The following HERC6 variants were observed in gnomAD, a reference collection of about 807,000 sequenced individuals.
HERC6 encodes probable E3 ubiquitin-protein ligase HERC6.
HERC6 carries 101 observed loss-of-function variants against 114.5 expected under a neutral mutation model. The ratio of observed to expected loss-of-function variants is 0.88; its 90% CI spans 0.75 to 1.04. The LOEUF is 1.04. Among genes scored for constraint, HERC6 ranks in the 50% least tolerant of loss-of-function variants. The probability of loss-of-function intolerance (pLI) is 0.00; values close to 1 mark genes in which losing one functional copy is unlikely to be tolerated. For missense variants in HERC6, 1,133 were observed against 1,230.9 expected (o/e 0.92, Z 1.19); for synonymous variants, 408 against 436.2 (o/e 0.94, Z 0.81).
intron 11 of HERC6, among the ~76,000 whole-genome samples, chr4:88,411,938 C>T (rs575705541): frequency 1.3e-5 from 2 of 152,282 alleles, no homozygotes; most frequent in East Asian, 3.9e-4. Context: ...GTCACATGGC[C>T]CTGCCTGATT....
intron 11 of HERC6, among the ~76,000 whole-genome samples, chr4:88,412,588 G>A (rs190288291): frequency 2.4e-3 from 361 of 152,208 alleles, no homozygotes; most frequent in African/African-American, 8.2e-3. Flanking sequence ...GCCACTACAC[G>A]CTGAAGTAAA....
chr4:88,405,415 T>G, intron 9 of HERC6, 139 bp from the exon 10 acceptor site: 1 of 466,710 alleles, frequency 2.1e-6, no homozygotes, highest in East Asian at 3.4e-5. Flanking sequence ...ATACCCAGGA[T>G]TTGGGAGACT....
At chr4:88,379,857 AG>A (rs1194593497) in intron 1 of HERC6, among the ~76,000 whole-genome samples, 238 of 50,268 alleles carry the variant, frequency 4.7e-3, no homozygotes, top group Non-Finnish European at 5.9e-3. Flanking sequence ...ATATATATAT[AG>A]CATATAAATA....
At chr4:88,441,401 CATG>C (rs1271843979) in intron 22 of HERC6, among the ~76,000 whole-genome samples, 5 of 152,128 alleles carry the variant, frequency 3.3e-5, no homozygotes, top group Admixed American at 6.5e-5. Flanking sequence ...CCGTTTCAGA[CATG>C]AGGAAAAAGA....
At chr4:88,416,209 G>C (rs1278073887) in intron 12 of HERC6, among the ~76,000 whole-genome samples, 2 of 152,164 alleles carry the variant, frequency 1.3e-5, no homozygotes, top group Admixed American at 6.5e-5. Flanking sequence ...CAGGGAAGTG[G>C]GTTGAAGTGC....
At chr4:88,435,494 G>A (rs974129418) in intron 17 of HERC6, among the ~76,000 whole-genome samples, 47 of 151,996 alleles carry the variant, frequency 3.1e-4, no homozygotes, top group Admixed American at 4.6e-4. Context: ...CAGATAAAAT[G>A]AATTCATTTA....
chr4:88,383,440 C>G lies in HERC6; in HGVS notation c.359+60C>G. 3 of 1,320,598 alleles carry G rather than the reference C, an allele frequency of 2.3e-6. No homozygotes were observed. The South Asian group carries it at 5.2e-5, about 23-fold the overall frequency. The allele number at this position is 1,320,598 out of a possible 1,614,324, so 81.8% of individuals were successfully genotyped here. On this transcript the variant is annotated intron_variant, in intron 2 of 22. Transcript: ENST00000264346. ...TATATATAGTACCATGTGCCAGGCA[C>G]TGTGCAAGATGCCAGGATACAAAGA...
Position 88,413,130 on chromosome 4 carries a change from A to G in HERC6, c.1422A>G (p.Pro474=). The part of the protein sequence containing the change: ...DLLRALPCHS[P]HQEALSVFLL... ...TCAGAGCTCTTCCATGCCATTCTCC[A>G]CACCAAGAAGCTTTATCAGTTTTCC... The change falls in exon 12 of 23, where the codon CCA becomes CCG. Residue 474 remains proline (P), a synonymous_variant. Transcript: ENST00000264346. 6.2e-7 allele frequency: 1 copy of G among 1,613,566 alleles called. No individual in the cohort carries two copies. Among genetic ancestry groups the G allele is most frequent in the East Asian group, 2.2e-5 (1 of 44,882 alleles).
intron 11 of HERC6, among the ~76,000 whole-genome samples, chr4:88,408,848 T>G (rs1407845607): frequency 6.6e-6 from 1 of 152,100 alleles, no homozygotes; most frequent in African/African-American, 2.4e-5. Flanking sequence ...CAAATCAATC[T>G]CATGAAGGCT....
chr4:88,442,418 C>T lies in HERC6; in HGVS notation c.3027C>T (p.Asn1009=). 6.2e-7 allele frequency: 1 copy of T among 1,614,012 alleles called. No homozygotes were observed. Among genetic ancestry groups the T allele is most frequent in the South Asian group, 1.1e-5 (1 of 91,044 alleles). ...AGGAAGCACTTCAAGTAGCCATCAA[C>T]AACAACAGAGGATTTGTCTCACCCA... ...RMEEALQVAI[N]NNRGFVSPML... Residue 1009 remains asparagine, a synonymous_variant, in exon 23 of 23, where the codon AAC becomes AAT. Coordinates refer to ENST00000264346, the MANE Select transcript of HERC6 (RefSeq NM_017912.4).
intron 8 of HERC6, among the ~76,000 whole-genome samples, chr4:88,403,161 A>G (rs1306470617): frequency 6.6e-6 from 1 of 152,186 alleles, no homozygotes; most frequent in African/African-American, 2.4e-5. Flanking sequence ...TATATAGAGC[A>G]ATGGTTCTCA....
At chr4:88,405,074 T>C in intron 9 of HERC6, 77 bp downstream of exon 9, 2 of 1,539,632 alleles carry the variant, frequency 1.3e-6, no homozygotes, top group Middle Eastern at 3.5e-4. Flanking sequence ...AGATAGAGGT[T>C]TTGGTTTTGT....
intron 20 of HERC6, 161 bp from the exon 21 acceptor site, chr4:88,439,713 G>T: frequency 1.8e-6 from 1 of 563,850 alleles, no homozygotes; most frequent in Non-Finnish European, 2.7e-6. Flanking sequence ...CTTTCTTCTA[G>T]CTGACCAGGT....
At chr4:88,393,002 C>A (rs889836495) in intron 4 of HERC6, among the ~76,000 whole-genome samples, 1 of 152,228 alleles carries the variant, frequency 6.6e-6, no homozygotes, top group East Asian at 1.9e-4. Flanking sequence ...GTAATCCCAT[C>A]ATTCATTCCC....
In HERC6 at chr4:88,391,793, A is replaced by G. The variant is rs375928919; in HGVS notation, c.664+914A>G. On this transcript the variant is annotated intron_variant, in intron 4 of 22. Coordinates refer to ENST00000264346, the MANE Select transcript of HERC6 (RefSeq NM_017912.4). ...TCAAGATGTACTCCCCACAAACTCC[A>G]TCCTCCTCTATTCAATTCCTTACAG... Among the ~76,000 whole-genome samples the G allele has an allele frequency of 6.6e-5, 10 of 152,204 alleles. No individual in the cohort carries two copies. In the South Asian group the frequency reaches 1.7e-3, roughly 25 times the overall value.
intron 17 of HERC6, among the ~76,000 whole-genome samples, chr4:88,434,553 G>T (rs535273895): frequency 6.6e-6 from 1 of 151,842 alleles, no homozygotes; most frequent in South Asian, 2.1e-4. Context: ...GAGATGGGAT[G>T]AAATGAACTA....
intron 13 of HERC6, among the ~76,000 whole-genome samples, chr4:88,420,291 A>T (rs1388458054): frequency 6.6e-6 from 1 of 152,182 alleles, no homozygotes; most frequent in East Asian, 1.9e-4. Context: ...ATATGTGATA[A>T]AGTTTCAACT....
Position 88,442,627 on chromosome 4 carries a change from C to G in HERC6, c.*167C>G. 1 of 636,896 alleles carries G rather than the reference C, an allele frequency of 1.6e-6. No individual in the cohort carries two copies. The highest frequency in any genetic ancestry group is 2.8e-6 in the Non-Finnish European group (1 of 355,470). The allele number at this position is 636,896 out of a possible 1,614,324, so 39.5% of individuals were successfully genotyped here. On this transcript the variant is annotated 3_prime_UTR_variant, in exon 23 of 23. Transcript: ENST00000264346. The stretch of plus-strand genomic sequence containing the variant: ...TGGTCAAAGGGTGCAAAATCTCACA[C>G]AAGACTGAGGCAGGAGAATAGGGTA...
chr4:88,389,356 T>C (rs1230825271), intron 3 of HERC6, among the ~76,000 whole-genome samples: 2 of 152,166 alleles, frequency 1.3e-5, no homozygotes, highest in African/African-American at 4.8e-5. Context: ...AGGATCACTC[T>C]GGCTATTCTT....
Sources: allele counts gnomAD v4.1 joint callset (sites outside exome capture counted in the v4.1 genomes callset), GRCh38; gene constraint gnomAD v4.1.1; transcripts MANE v1.5; gene names NCBI Gene and HGNC (gene_info 2026-07-23, HGNC 2026-07-21).